Variants in WDR27 observed in about 807,000 individuals in gnomAD.
WDR27 encodes the protein WD repeat domain 27.
Under a neutral mutation model 114.4 loss-of-function variants are expected in WDR27, and 100 were observed. The ratio of observed to expected loss-of-function variants is 0.87; its 90% CI spans 0.74 to 1.03. The LOEUF (loss-of-function observed/expected upper bound fraction) is 1.03. WDR27 is among the 50% of genes least tolerant of loss of function. The probability of loss-of-function intolerance (pLI) is 0.00; values close to 1 mark genes in which losing one functional copy is unlikely to be tolerated. For synonymous variants in WDR27, 449 were observed against 423.1 expected, an observed-to-expected ratio of 1.06 and a Z score of -0.75; for missense variants, 1,129 against 1,092.9, an observed-to-expected ratio of 1.03 and a Z score of -0.47.
Position 169,492,395 on chromosome 6 carries a change from T to C in WDR27, c.2646-34761A>G, listed in dbSNP as rs1012629340. Among the ~76,000 whole-genome samples the C allele has an allele frequency of 5.9e-5, 9 of 152,268 alleles. No individual in the cohort carries two copies. In the East Asian group the frequency reaches 7.7e-4, roughly 13 times the overall value. Reference sequence around the variant, plus strand: ...GATAATACTTTGAGAGTTTCAAAAATGTGTCTCATCAAATCCAGAAAAACA... The same window carrying C: ...GATAATACTTTGAGAGTTTCAAAAACGTGTCTCATCAAATCCAGAAAAACA... On this transcript the variant is annotated intron_variant, in intron 25 of 25. Transcript: ENST00000448612.
chr6:169,639,305 C>T (rs955593455), intron 17 of WDR27, among the ~76,000 whole-genome samples: 1 of 152,078 alleles, frequency 6.6e-6, no homozygotes, highest in Admixed American at 6.6e-5. Flanking sequence ...TGTAAAACCT[C>T]GCATTTCTTA....
At position 169,634,459 on chromosome 6, in the gene WDR27, G is replaced by A; in HGVS notation, c.2070C>T (p.Thr690=). Residue 690 remains threonine (T), a synonymous_variant, in exon 20 of 26, where the codon ACC becomes ACT. Coordinates refer to ENST00000448612, the MANE Select transcript of WDR27 (RefSeq NM_182552.5). ...RLSTTGAVDM[T]SLSAVNDFYS... is the part of the protein sequence containing the mutation. ...AAAAGTCGTTGACTGCCGATAAACTGGTCATGTCTACTGCACCCGTCGTGG... is the reference window on the plus strand; with the variant it reads ...AAAAGTCGTTGACTGCCGATAAACTAGTCATGTCTACTGCACCCGTCGTGG... The A allele has an allele frequency of 6.2e-7, 1 of 1,613,204 alleles. No homozygotes were observed. Among genetic ancestry groups the A allele is most frequent in the South Asian group, 1.1e-5 (1 of 90,794 alleles).
At chr6:169,528,291 T>G (rs962045524) in intron 25 of WDR27, among the ~76,000 whole-genome samples, 2 of 152,156 alleles carry the variant, frequency 1.3e-5, no homozygotes, top group Admixed American at 1.3e-4. Context: ...AAAAGTTACT[T>G]AAACAGTGGA....
chr6:169,527,726 G>A (rs1043047442), intron 25 of WDR27, among the ~76,000 whole-genome samples: 3 of 152,146 alleles, frequency 2.0e-5, no homozygotes, highest in Non-Finnish European at 4.4e-5. Flanking sequence ...TTGTAATGGG[G>A]CTGGAGCAGA....
chr6:169,515,380 C>T lies in WDR27; in HGVS notation c.2645+57039G>A, dbSNP rs148532146. Among the ~76,000 whole-genome samples the T allele has an allele frequency of 6.3e-3, 957 of 152,168 alleles. 7 individuals carry two copies. Among genetic ancestry groups the T allele is most frequent in the Non-Finnish European group, 0.01 (713 of 67,996 alleles). On this transcript the variant is annotated intron_variant, in intron 25 of 25. Transcript: ENST00000448612. ...TTTAAAATTAAAAATAAAATGAAAGCGGTAATGATCATAAAAGCTAGAATA... is the reference window on the plus strand; with the variant it reads ...TTTAAAATTAAAAATAAAATGAAAGTGGTAATGATCATAAAAGCTAGAATA...
intron 17 of WDR27, among the ~76,000 whole-genome samples, chr6:169,642,445 A>G (rs1188070900): frequency 6.6e-6 from 1 of 152,172 alleles, no homozygotes; most frequent in Non-Finnish European, 1.5e-5. Flanking sequence ...AACCACTCAT[A>G]TCAACTATTC....
intron 25 of WDR27, among the ~76,000 whole-genome samples, chr6:169,481,692 T>A (rs1788139023): frequency 1.3e-5 from 2 of 152,178 alleles, no homozygotes; most frequent in South Asian, 4.1e-4. Context: ...CTGAAGCCAG[T>A]GAAACCACGA....
At position 169,513,848 on chromosome 6, in the gene WDR27, G is replaced by A. The variant is rs187516012; in HGVS notation, c.2646-56214C>T. 8.4e-4 allele frequency among the ~76,000 whole-genome samples: 128 copies of A among 152,140 alleles called. 1 individual carries two copies. Among genetic ancestry groups the A allele is most frequent in the African/African-American group, 2.8e-3 (117 of 41,532 alleles). On this transcript the variant is annotated intron_variant, in intron 25 of 25. Coordinates refer to ENST00000448612, the MANE Select transcript of WDR27 (RefSeq NM_182552.5). Reference sequence around the variant, plus strand: ...CAATAGACATGGGCACAGCCCTAAAGAGAAAATGTCTCTGCTGTCATTACT... The same window carrying A: ...CAATAGACATGGGCACAGCCCTAAAAAGAAAATGTCTCTGCTGTCATTACT...
chr6:169,439,852 ATTATATTACCAATATTATATTGGTAG>A, the WDR27 span, among the ~76,000 whole-genome samples: 39 of 147,122 alleles, frequency 2.7e-4, no homozygotes, highest in East Asian at 2.5e-3. Context: ...ATAATCGTTA[ATTATATTACCAATATTATATTGGTAG>A]TTATATTACC....
At chr6:169,502,770 A>G (rs1395524661) in intron 25 of WDR27, among the ~76,000 whole-genome samples, 1 of 152,106 alleles carries the variant, frequency 6.6e-6, no homozygotes, top group East Asian at 1.9e-4. Flanking sequence ...CCTCAGTGCC[A>G]TCTTCAACCT....
intron 1 of WDR27, among the ~76,000 whole-genome samples, chr6:169,689,927 G>C (rs1447689289): frequency 6.6e-6 from 1 of 151,906 alleles, no homozygotes; most frequent in African/African-American, 2.4e-5. Context: ...TGCTGGTCAT[G>C]TGGATTCAGA....
chr6:169,527,762 T>C (rs1305364777), intron 25 of WDR27, among the ~76,000 whole-genome samples: 5 of 152,214 alleles, frequency 3.3e-5, no homozygotes, highest in African/African-American at 1.2e-4. Context: ...TGGGTGTTAC[T>C]GGTTTAAGCT....
chr6:169,592,174 T>C lies in WDR27; in HGVS notation c.2425-9240A>G, dbSNP rs996756251. Among the ~76,000 whole-genome samples, 4 of 152,244 alleles carry C rather than the reference T, an allele frequency of 2.6e-5. No homozygotes were observed. In the East Asian group the frequency reaches 5.8e-4, roughly 22 times the overall value. On this transcript the variant is annotated intron_variant, in intron 23 of 25. Coordinates refer to ENST00000448612, the MANE Select transcript of WDR27 (RefSeq NM_182552.5). ...CTTTTTTCCGGGGGTATTTGGACCATTGTTACTTGTTTATTCTCCCAAGTA... is the reference window on the plus strand; with the variant it reads ...CTTTTTTCCGGGGGTATTTGGACCACTGTTACTTGTTTATTCTCCCAAGTA...
intron 25 of WDR27, among the ~76,000 whole-genome samples, chr6:169,561,500 A>G (rs538227890): frequency 6.6e-5 from 10 of 152,354 alleles, no homozygotes; most frequent in African/African-American, 2.4e-4. Context: ...TCACTTAACA[A>G]TAGAATACCA....
intron 21 of WDR27, among the ~76,000 whole-genome samples, chr6:169,627,523 A>C (rs780649986): frequency 6.6e-6 from 1 of 152,244 alleles, no homozygotes; most frequent in Non-Finnish European, 1.5e-5. Context: ...CACGTATCAG[A>C]ATGTGGAGAT....
chr6:169,652,027 A>G lies in WDR27; in HGVS notation c.1403-19T>C. 6.2e-7 allele frequency: 1 copy of G among 1,612,268 alleles called. No homozygotes were observed. The highest frequency in any genetic ancestry group is 8.5e-7 in the Non-Finnish European group (1 of 1,179,134). On this transcript the variant is annotated intron_variant, in intron 13 of 25. Coordinates refer to ENST00000448612, the MANE Select transcript of WDR27 (RefSeq NM_182552.5). ...CGTGCAGCTGTGGAAAGGCAATTTT[A>G]AAGAAGAAACAAACACTTAAAATTA...
At chr6:169,694,377 G>A (rs1785288904) in intron 1 of WDR27, among the ~76,000 whole-genome samples, 1 of 152,024 alleles carries the variant, frequency 6.6e-6, no homozygotes, top group South Asian at 2.1e-4. Context: ...ATACACTGCT[G>A]GTAAAAGAAT....
intron 25 of WDR27, among the ~76,000 whole-genome samples, chr6:169,567,285 G>A (rs537270545): frequency 6.6e-6 from 1 of 152,312 alleles, no homozygotes; most frequent in East Asian, 1.9e-4. Flanking sequence ...CAGGTGTGAG[G>A]AGTCCAGGTT....
intron 16 of WDR27, among the ~76,000 whole-genome samples, chr6:169,645,043 A>AAAAAAAAAAAAAAAAAAAAAAAAAAAAG (rs1820276157): frequency 8.4e-5 from 5 of 59,674 alleles, no homozygotes; most frequent in African/African-American, 5.9e-4. Context: ...AAATAAAAAA[A>AAAAAAAAAAAAAAAAAAAAAAAAAAAAG]AAAAAAAAAA....
Sources: allele counts gnomAD v4.1 joint callset (sites outside exome capture counted in the v4.1 genomes callset), GRCh38; gene constraint gnomAD v4.1.1; transcripts MANE v1.5; gene names NCBI Gene and HGNC (gene_info 2026-07-23, HGNC 2026-07-21).